CTNNA3: variants seen among roughly 807,000 people sequenced by gnomAD.
CTNNA3 encodes the protein catenin alpha 3, also known as catenin alpha-3.
CTNNA3 carries 76 observed loss-of-function variants against 95.7 expected under a neutral mutation model. The observed-to-expected ratio is 0.79, with a 90% CI of 0.66 to 0.96. The LOEUF (loss-of-function observed/expected upper bound fraction) is 0.96, where lower values mean the gene tolerates loss of function less well. Ranked by LOEUF, CTNNA3 falls within the 40% of genes least tolerant of loss-of-function variation. The pLI, the probability that CTNNA3 is intolerant of heterozygous loss-of-function variation, is 0.00. For synonymous variants in CTNNA3, 431 were observed against 374.4 expected, an observed-to-expected ratio of 1.15 and a Z score of -1.74; for missense variants, 1,191 against 1,089.8, an observed-to-expected ratio of 1.09 and a Z score of -1.31.
intron 9 of CTNNA3, among the ~76,000 whole-genome samples, chr10:66,733,548 T>A (rs996909769): frequency 6.6e-6 from 1 of 151,702 alleles, no homozygotes; most frequent in Non-Finnish European, 1.5e-5. Flanking sequence ...ATGTATATAT[T>A]TTTTATTTGT....
chr10:67,235,625 C>T (rs1308279606), intron 5 of CTNNA3, among the ~76,000 whole-genome samples: 16 of 140,020 alleles, frequency 1.1e-4, no homozygotes, highest in African/African-American at 2.8e-4. Context: ...ATGTTTAAAA[C>T]ACCAAAAGCA....
chr10:67,008,032 A>G (rs938184852), intron 7 of CTNNA3, among the ~76,000 whole-genome samples: 1 of 152,050 alleles, frequency 6.6e-6, no homozygotes, highest in African/African-American at 2.4e-5. Flanking sequence ...TAAGAACTTT[A>G]AATGAAATTA....
intron 5 of CTNNA3, among the ~76,000 whole-genome samples, chr10:67,280,508 A>G (rs1839351753): frequency 6.6e-6 from 1 of 151,994 alleles, no homozygotes; most frequent in African/African-American, 2.4e-5. Flanking sequence ...GGGCAAAAAG[A>G]AAACTCTCAG....
chr10:66,386,310 C>G (rs542680162), intron 11 of CTNNA3, among the ~76,000 whole-genome samples: 1 of 152,156 alleles, frequency 6.6e-6, no homozygotes, highest in African/African-American at 2.4e-5. Context: ...AACAGACAAA[C>G]AAAGAGCCAA....
At chr10:66,884,133 T>G (rs1262798302) in intron 7 of CTNNA3, among the ~76,000 whole-genome samples, 1 of 151,834 alleles carries the variant, frequency 6.6e-6, no homozygotes, top group Non-Finnish European at 1.5e-5. Flanking sequence ...ACTAATAGAG[T>G]GAGGAAGGGC....
intron 5 of CTNNA3, among the ~76,000 whole-genome samples, chr10:67,306,835 T>C (rs1840572772): frequency 6.6e-6 from 1 of 152,080 alleles, no homozygotes; most frequent in African/African-American, 2.4e-5. Flanking sequence ...CTAGATCCCA[T>C]CCATCCAAGG....
At chr10:67,281,695 G>GA (rs35494435) in intron 5 of CTNNA3, among the ~76,000 whole-genome samples, 1 of 152,020 alleles carries the variant, frequency 6.6e-6, no homozygotes, top group South Asian at 2.1e-4. Flanking sequence ...CATATAGCAT[G>GA]AAAAAATGTC....
chr10:66,985,999 T>C (rs189193885), intron 7 of CTNNA3, among the ~76,000 whole-genome samples: 1 of 152,278 alleles, frequency 6.6e-6, no homozygotes, highest in East Asian at 1.9e-4. Context: ...GTGCTGGGAT[T>C]ACAGGCGTGA....
At chr10:67,402,881 C>A (rs955996122) in intron 5 of CTNNA3, among the ~76,000 whole-genome samples, 1 of 152,134 alleles carries the variant, frequency 6.6e-6, no homozygotes, top group African/African-American at 2.4e-5. Context: ...TCAGTCAAGG[C>A]GGGAGGTCCA....
At chr10:67,707,246 T>C (rs1198691725) in intron 1 of CTNNA3, among the ~76,000 whole-genome samples, 1 of 152,158 alleles carries the variant, frequency 6.6e-6, no homozygotes, top group Non-Finnish European at 1.5e-5. Flanking sequence ...CTATTACTCA[T>C]AGCAGAAAAT....
intron 2 of CTNNA3, among the ~76,000 whole-genome samples, chr10:67,643,596 A>G (rs1416282629): frequency 6.6e-6 from 1 of 152,074 alleles, no homozygotes; most frequent in African/African-American, 2.4e-5. Context: ...CAGGTTTGTT[A>G]CATAGGTATA....
At chr10:67,504,191 G>A (rs1302896698) in intron 5 of CTNNA3, among the ~76,000 whole-genome samples, 1 of 148,476 alleles carries the variant, frequency 6.7e-6, no homozygotes, top group Non-Finnish European at 1.5e-5. Context: ...CAAGGCTCAT[G>A]CCTGTAATCC....
intron 4 of CTNNA3, among the ~76,000 whole-genome samples, chr10:67,534,973 A>T (rs1278734514): frequency 1.3e-5 from 2 of 152,184 alleles, no homozygotes; most frequent in Non-Finnish European, 2.9e-5. Context: ...TAAGTAATTT[A>T]AAAAATGAAG....
At chr10:66,817,393 A>T (rs1323422347) in intron 7 of CTNNA3, among the ~76,000 whole-genome samples, 1 of 152,082 alleles carries the variant, frequency 6.6e-6, no homozygotes, top group Admixed American at 6.5e-5. Flanking sequence ...CTTTGAAAAG[A>T]TAACAAAATT....
intron 5 of CTNNA3, among the ~76,000 whole-genome samples, chr10:67,291,905 T>A (rs1269448555): frequency 6.6e-6 from 1 of 152,210 alleles, no homozygotes; most frequent in Non-Finnish European, 1.5e-5. Context: ...AATGTGTACA[T>A]GAGAGCCTTC....
chr10:67,633,848 G>C (rs1351138492), intron 2 of CTNNA3, among the ~76,000 whole-genome samples: 1 of 152,114 alleles, frequency 6.6e-6, no homozygotes, highest in East Asian at 1.9e-4. Context: ...CCAAACCTAT[G>C]ACTGATTGGA....
chr10:66,775,307 G>T (rs888071298), intron 8 of CTNNA3, 137 bp downstream of exon 8: 3 of 564,438 alleles, frequency 5.3e-6, no homozygotes, highest in Non-Finnish European at 6.1e-6. Flanking sequence ...TATAAATGTG[G>T]AAAGTATATA....
At chr10:66,443,864 T>C (rs991398225) in intron 11 of CTNNA3, among the ~76,000 whole-genome samples, 2 of 152,072 alleles carry the variant, frequency 1.3e-5, no homozygotes, top group Non-Finnish European at 2.9e-5. Context: ...CTTCAGACGA[T>C]CAAACTACTC....
At chr10:66,887,796 A>C in intron 7 of CTNNA3, among the ~76,000 whole-genome samples, 1 of 152,172 alleles carries the variant, frequency 6.6e-6, no homozygotes, top group East Asian at 1.9e-4. Flanking sequence ...AGATCCTAGG[A>C]GGAAGGCCCA....
Sources: allele counts gnomAD v4.1 joint callset (sites outside exome capture counted in the v4.1 genomes callset), GRCh38; gene constraint gnomAD v4.1.1; transcripts MANE v1.5; gene names NCBI Gene and HGNC (gene_info 2026-07-23, HGNC 2026-07-21).